The following NALCN variants were observed in gnomAD, a reference collection of about 807,000 sequenced individuals.
NALCN encodes the protein sodium leak channel NALCN.
In NALCN, 111 loss-of-function variants were observed where a neutral mutation model predicts 225.3. That is an observed-to-expected ratio of 0.49 (90% CI 0.42 to 0.58). NALCN has a LOEUF of 0.58. NALCN is among the 20% of genes least tolerant of loss of function. NALCN has a pLI of 0.00. For synonymous variants in NALCN, 764 were observed against 769.0 expected (o/e 0.99, Z 0.11); for missense variants, 1,378 against 2,202.4 (o/e 0.63, Z 7.49).
intron 17 of NALCN, among the ~76,000 whole-genome samples, chr13:101,129,580 T>C (rs1020602447): frequency 2.0e-5 from 3 of 152,192 alleles, no homozygotes; most frequent in Non-Finnish European, 4.4e-5. Flanking sequence ...GGTTTACTTA[T>C]TGGAAAATTG....
intron 1 of NALCN, 50 bp from the exon 2 acceptor site, chr13:101,399,215 C>A: frequency 1.4e-6 from 2 of 1,444,512 alleles, no homozygotes; most frequent in South Asian, 1.3e-5. Flanking sequence ...TTGCCCTCAT[C>A]AAAAAATTGA....
intron 20 of NALCN, 123 bp from the exon 21 acceptor site, chr13:101,107,912 T>C (rs2035223468): frequency 2.5e-6 from 1 of 402,918 alleles, no homozygotes; most frequent in Non-Finnish European, 4.1e-6. Flanking sequence ...TAATTACATA[T>C]ATTTACTGTT....
intron 9 of NALCN, among the ~76,000 whole-genome samples, chr13:101,289,275 T>G (rs888095235): frequency 1.3e-5 from 2 of 152,154 alleles, no homozygotes; most frequent in African/African-American, 4.8e-5. Context: ...TCCTTCTGTT[T>G]TCCAGTTACA....
intron 20 of NALCN, among the ~76,000 whole-genome samples, chr13:101,109,788 C>T (rs2035333956): frequency 6.6e-6 from 1 of 152,110 alleles, no homozygotes; most frequent in South Asian, 2.1e-4. Flanking sequence ...TCCTTCATTT[C>T]ATTTGGGTCT....
chr13:101,213,204 C>T (rs12429086), intron 13 of NALCN, among the ~76,000 whole-genome samples: 28,409 of 151,848 alleles, frequency 0.19, 2,823 homozygotes, highest in East Asian at 0.37. Context: ...GGAAAGGATT[C>T]CCTATTTAAT....
At chr13:101,111,636 A>T (rs2035443050) in intron 18 of NALCN, among the ~76,000 whole-genome samples, 1 of 152,100 alleles carries the variant, frequency 6.6e-6, no homozygotes, top group South Asian at 2.1e-4. Context: ...GTGGGAGGTA[A>T]TTGAATCATG....
chr13:101,267,425 GC>G (rs1025587688), intron 10 of NALCN, among the ~76,000 whole-genome samples: 1 of 152,054 alleles, frequency 6.6e-6, no homozygotes, highest in African/African-American at 2.4e-5. Context: ...AAACCCAGTG[GC>G]CTCCAATTGA....
intron 15 of NALCN, among the ~76,000 whole-genome samples, chr13:101,165,270 G>A (rs1162362379): frequency 4.6e-5 from 7 of 152,160 alleles, no homozygotes; most frequent in African/African-American, 1.7e-4. Flanking sequence ...TGAGGAAAAG[G>A]TTGGTGATCC....
intron 34 of NALCN, among the ~76,000 whole-genome samples, chr13:101,078,421 A>G (rs2033401546): frequency 6.6e-6 from 1 of 152,224 alleles, no homozygotes; most frequent in Non-Finnish European, 1.5e-5. Flanking sequence ...GAGCTGCCCA[A>G]GGCCATGGGA....
intron 6 of NALCN, among the ~76,000 whole-genome samples, chr13:101,348,046 G>A (rs1279292796): frequency 2.6e-5 from 4 of 152,150 alleles, no homozygotes; most frequent in Non-Finnish European, 2.9e-5. Context: ...AAGGCAAGGT[G>A]AAGTTCAGAG....
chr13:101,411,461 G>A (rs1306280960), intron 1 of NALCN, among the ~76,000 whole-genome samples: 1 of 151,096 alleles, frequency 6.6e-6, no homozygotes, highest in East Asian at 2.0e-4. Context: ...GCCTGCCTCA[G>A]CCTCCCCTCC....
chr13:101,278,780 A>C (rs2043050066), intron 10 of NALCN, among the ~76,000 whole-genome samples: 1 of 152,186 alleles, frequency 6.6e-6, no homozygotes, highest in African/African-American at 2.4e-5. Flanking sequence ...ACTTTCTGGA[A>C]GCAAACTCCA....
chr13:101,324,954 A>T (rs949928545), intron 7 of NALCN, among the ~76,000 whole-genome samples: 7 of 152,194 alleles, frequency 4.6e-5, no homozygotes, highest in Non-Finnish European at 1.0e-4. Context: ...CGTCCCATCA[A>T]TACTTAATTT....
rs767748579 is a variant in NALCN, at chr13:101,100,776, C to T, written c.3162+8G>A. 1.3e-6 allele frequency: 2 copies of T among 1,599,108 alleles called. No individual in the cohort carries two copies. The highest frequency in any genetic ancestry group is 1.7e-5 in the Admixed American group (1 of 57,856). ...TTTTATTTCAAAAGACAGAAAGATA[C>T]ATCTTACCCTTCTAATAATGTTGGG... On this transcript the variant is annotated splice_region_variant and intron_variant, in intron 27 of 43. Transcript: ENST00000251127.
chr13:101,350,254 C>T (rs2045870359), intron 6 of NALCN, among the ~76,000 whole-genome samples: 1 of 152,146 alleles, frequency 6.6e-6, no homozygotes, highest in Admixed American at 6.6e-5. Flanking sequence ...TTCAAACACC[C>T]CTTTGTACCC....
chr13:101,333,755 A>G (rs996523707), intron 7 of NALCN, among the ~76,000 whole-genome samples: 1 of 152,176 alleles, frequency 6.6e-6, no homozygotes, highest in Non-Finnish European at 1.5e-5. Context: ...GATAAAACGG[A>G]TTTGATTTCA....
chr13:101,330,357 T>C (rs1335494301), intron 7 of NALCN, among the ~76,000 whole-genome samples: 1 of 152,168 alleles, frequency 6.6e-6, no homozygotes, highest in African/African-American at 2.4e-5. Context: ...TCAGGGCTTC[T>C]GGGTCCCAAT....
At chr13:101,070,315 C>T (rs1428536728) in intron 37 of NALCN, among the ~76,000 whole-genome samples, 2 of 152,132 alleles carry the variant, frequency 1.3e-5, no homozygotes, top group East Asian at 3.9e-4. Context: ...ATCCACCCGC[C>T]TTGACCTCCC....
intron 17 of NALCN, among the ~76,000 whole-genome samples, chr13:101,128,936 G>A (rs1362467305): frequency 6.6e-6 from 1 of 152,122 alleles, no homozygotes; most frequent in Non-Finnish European, 1.5e-5. Context: ...TCTATTTTCT[G>A]AAAATCGGCA....
Sources: gnomAD v4.1 joint callset for allele counts (sites outside exome capture counted in the v4.1 genomes callset) on GRCh38, gnomAD v4.1.1 for gene constraint, MANE v1.5 for transcripts, NCBI Gene and HGNC (gene_info 2026-07-23, HGNC 2026-07-21) for gene names.